TNR: variants seen among roughly 807,000 people sequenced by gnomAD.
TNR encodes the protein tenascin-R.
A neutral mutation model predicts 150.4 loss-of-function variants in TNR; 45 were observed. The ratio of observed to expected loss-of-function variants is 0.30; its 90% CI spans 0.24 to 0.38. The LOEUF is 0.38. Among genes scored for constraint, TNR ranks in the 10% least tolerant of loss-of-function variants. The pLI is 1.00. For missense variants in TNR, 1,544 were observed against 1,759.1 expected, an observed-to-expected ratio of 0.88 and a Z score of 2.19; for synonymous variants, 687 against 678.4, an observed-to-expected ratio of 1.01 and a Z score of -0.20.
At chr1:175,642,584 G>T (rs997413013) in intron 1 of TNR, among the ~76,000 whole-genome samples, 1 of 152,142 alleles carries the variant, frequency 6.6e-6, no homozygotes, top group Non-Finnish European at 1.5e-5. Context: ...CAAGGATTGC[G>T]GGGAGAGTGA....
chr1:175,336,978 C>T (rs75371431), intron 19 of TNR, among the ~76,000 whole-genome samples: 7,558 of 152,232 alleles, frequency 0.05, 623 homozygotes, highest in African/African-American at 0.17. Context: ...CTACAACGTC[C>T]GCCTCCCAGG....
Position 175,587,816 on chromosome 1 carries a change from A to C in TNR, c.-164-59447T>G, listed in dbSNP as rs78068928. On this transcript the variant is annotated intron_variant, in intron 1 of 22. Coordinates refer to ENST00000367674, the MANE Select transcript of TNR (RefSeq NM_003285.3). Reference sequence around the variant, plus strand: ...TTGAAAAGCACTGGACAAGAAAAAGAAAGCCCTTTTGCTCTACTCTGGTCT... The same window carrying C: ...TTGAAAAGCACTGGACAAGAAAAAGCAAGCCCTTTTGCTCTACTCTGGTCT... Among the ~76,000 whole-genome samples, 260 of 152,368 alleles carry C rather than the reference A, an allele frequency of 1.7e-3. 4 individuals are homozygous for C. The East Asian group carries it at 0.042, about 24-fold the overall frequency.
At chr1:175,650,279 A>T (rs1248728106) in intron 1 of TNR, among the ~76,000 whole-genome samples, 1 of 152,110 alleles carries the variant, frequency 6.6e-6, no homozygotes, top group African/African-American at 2.4e-5. Context: ...GCTACTTGGG[A>T]GGCTGAGGCA....
At chr1:175,494,562 T>C (rs1033557605) in intron 2 of TNR, among the ~76,000 whole-genome samples, 6 of 152,202 alleles carry the variant, frequency 3.9e-5, no homozygotes, top group Non-Finnish European at 5.9e-5. Context: ...TGAGCGCAGG[T>C]GGGCCTGAGC....
chr1:175,440,543 TAAAATAAAGG>T (rs996683005), intron 2 of TNR, among the ~76,000 whole-genome samples: 17 of 145,054 alleles, frequency 1.2e-4, no homozygotes, highest in Admixed American at 1.2e-3. Context: ...TAAAATAAAA[TAAAATAAAGG>T]AAAAAAAAGT....
chr1:175,505,184 G>A (rs7519311), intron 2 of TNR, among the ~76,000 whole-genome samples: 1,706 of 152,228 alleles, frequency 0.011, 33 homozygotes, highest in African/African-American at 0.037. Context: ...TCTCCCTCCC[G>A]CGTGTTTTGG....
chr1:175,699,854 T>C (rs900321849), intron 1 of TNR, among the ~76,000 whole-genome samples: 3 of 152,064 alleles, frequency 2.0e-5, no homozygotes, highest in Non-Finnish European at 4.4e-5. Flanking sequence ...CTTCAGCTTG[T>C]GTGCATTTCC....
intron 7 of TNR, among the ~76,000 whole-genome samples, chr1:175,388,395 A>G (rs138067564): frequency 3.3e-4 from 51 of 152,360 alleles, no homozygotes; most frequent in Middle Eastern, 6.8e-3. Flanking sequence ...AGAGGGTTTT[A>G]GCTGTGGGAG....
At chr1:175,588,232 C>G (rs1164746804) in intron 1 of TNR, among the ~76,000 whole-genome samples, 2 of 152,224 alleles carry the variant, frequency 1.3e-5, no homozygotes, top group Non-Finnish European at 2.9e-5. Context: ...AGCAGTTGGA[C>G]TAATTCTTAA....
intron 1 of TNR, among the ~76,000 whole-genome samples, chr1:175,598,699 T>A (rs937632354): frequency 4.6e-5 from 7 of 152,208 alleles, no homozygotes; most frequent in Admixed American, 3.9e-4. Context: ...CTGCAGTTAG[T>A]TTCTAGAAGG....
chr1:175,700,712 G>T (rs993140692), intron 1 of TNR, among the ~76,000 whole-genome samples: 12 of 152,160 alleles, frequency 7.9e-5, no homozygotes, highest in Admixed American at 2.0e-4. Flanking sequence ...GACCACGGAG[G>T]TAGAATCAGG....
At chr1:175,378,385 A>T (rs1652510253) in intron 9 of TNR, among the ~76,000 whole-genome samples, 1 of 152,202 alleles carries the variant, frequency 6.6e-6, no homozygotes, top group African/African-American at 2.4e-5. Flanking sequence ...AATATGGTGC[A>T]ATGTTCACAG....
At chr1:175,496,137 A>C (rs1658479748) in intron 2 of TNR, among the ~76,000 whole-genome samples, 1 of 152,204 alleles carries the variant, frequency 6.6e-6, no homozygotes, top group Admixed American at 6.5e-5. Context: ...ATTAAAATAG[A>C]AAGGCTCATC....
At chr1:175,456,144 C>T (rs546137747) in intron 2 of TNR, among the ~76,000 whole-genome samples, 36 of 152,276 alleles carry the variant, frequency 2.4e-4, no homozygotes, top group Non-Finnish European at 4.7e-4. Flanking sequence ...CTCCTGAATA[C>T]GCCAGGCAAG....
chr1:175,450,893 T>C (rs1656275890), intron 2 of TNR, among the ~76,000 whole-genome samples: 1 of 152,166 alleles, frequency 6.6e-6, no homozygotes, highest in Non-Finnish European at 1.5e-5. Context: ...TGTTAACTGC[T>C]CATTTTAGGG....
At chr1:175,564,359 A>T (rs1558008607) in intron 1 of TNR, among the ~76,000 whole-genome samples, 1 of 152,200 alleles carries the variant, frequency 6.6e-6, no homozygotes, top group Non-Finnish European at 1.5e-5. Flanking sequence ...TTCAGTTGTT[A>T]TGCTTTCCTG....
chr1:175,623,954 T>A (rs1311941898), intron 1 of TNR, among the ~76,000 whole-genome samples: 8 of 152,222 alleles, frequency 5.3e-5, no homozygotes, highest in Non-Finnish European at 1.0e-4. Context: ...TTCTGACTCT[T>A]ATTTTTTCTA....
chr1:175,660,353 G>T (rs150165983), intron 1 of TNR, among the ~76,000 whole-genome samples: 2 of 152,304 alleles, frequency 1.3e-5, no homozygotes, highest in East Asian at 3.9e-4. Flanking sequence ...TAGCTCCAGA[G>T]GCAGGCCCTG....
chr1:175,576,075 G>C (rs1229824985), intron 1 of TNR, among the ~76,000 whole-genome samples: 1 of 152,198 alleles, frequency 6.6e-6, no homozygotes, highest in Admixed American at 6.5e-5. Flanking sequence ...AGCAAATAAA[G>C]TCTGATTTAC....
Sources: gnomAD v4.1 joint callset for allele counts (sites outside exome capture counted in the v4.1 genomes callset) on GRCh38, gnomAD v4.1.1 for gene constraint, MANE v1.5 for transcripts, NCBI Gene and HGNC (gene_info 2026-07-23, HGNC 2026-07-21) for gene names.